Variants in TUB observed in about 807,000 individuals in gnomAD.
The protein encoded by TUB is TUB bipartite transcription factor.
In TUB, 33 loss-of-function variants were observed where a neutral mutation model predicts 59.7. That is an observed-to-expected ratio of 0.55 (90% CI 0.42 to 0.74). TUB has a LOEUF of 0.74. TUB is among the 30% of genes least tolerant of loss of function. The pLI, the probability that TUB is intolerant of heterozygous loss-of-function variation, is 0.00. For synonymous variants in TUB, 293 were observed against 256.4 expected (o/e 1.14, Z -1.36); for missense variants, 659 against 672.0 (o/e 0.98, Z 0.21).
chr11:8,094,924 A>AGGCCTTGCT (rs1943919436), intron 4 of TUB, among the ~76,000 whole-genome samples: 1 of 152,240 alleles, frequency 6.6e-6, no homozygotes, highest in African/African-American at 2.4e-5. Context: ...TGTGTGGGTC[A>AGGCCTTGCT]GGCCTTGCTT....
At chr11:8,026,880 A>T (rs1942506959) in intron 1 of TUB, among the ~76,000 whole-genome samples, 1 of 152,182 alleles carries the variant, frequency 6.6e-6, no homozygotes, top group South Asian at 2.1e-4. Context: ...CGGGCCTTCC[A>T]ATTCATGAAC....
chr11:8,060,912 GCA>G (rs534729740), intron 2 of TUB, among the ~76,000 whole-genome samples: 12 of 152,228 alleles, frequency 7.9e-5, no homozygotes, highest in Non-Finnish European at 1.6e-4. Flanking sequence ...CACCCACACA[GCA>G]CAGTCATGGT....
At position 8,089,710 on chromosome 11, in the gene TUB, T is replaced by C. The variant is rs1396518824; in HGVS notation, c.90+49T>C. ...GAAGGGAAGAGTCTGGGCTGGGATC[T>C]CTGAGGGCAGAGGGGCAGGGCTGTC... On this transcript the variant is annotated intron_variant, in intron 2 of 11. Coordinates refer to ENST00000299506, the MANE Select transcript of TUB (RefSeq NM_177972.3). The C allele has an allele frequency of 3.1e-6, 5 of 1,609,896 alleles. No individual in the cohort carries two copies. In the South Asian group the frequency reaches 4.4e-5, roughly 14 times the overall value.
chr11:8,031,591 G>A (rs1053917778), intron 1 of TUB, among the ~76,000 whole-genome samples: 1 of 152,214 alleles, frequency 6.6e-6, no homozygotes, highest in Non-Finnish European at 1.5e-5. Flanking sequence ...GAGGTGAGGG[G>A]CTGTGGGGCA....
At chr11:8,082,466 G>A (rs117263841) in intron 1 of TUB, among the ~76,000 whole-genome samples, 24 of 152,320 alleles carry the variant, frequency 1.6e-4, no homozygotes, top group Non-Finnish European at 3.1e-4. Flanking sequence ...TCATCGCCAT[G>A]GCAGCGCCAG....
At chr11:8,030,507 C>G (rs867700087) in intron 1 of TUB, among the ~76,000 whole-genome samples, 4 of 152,150 alleles carry the variant, frequency 2.6e-5, no homozygotes, top group Non-Finnish European at 4.4e-5. Flanking sequence ...TCCTCTGCAG[C>G]CTTGGGCAGG....
chr11:8,063,596 A>C (rs2133779608), intron 2 of TUB, among the ~76,000 whole-genome samples: 1 of 152,316 alleles, frequency 6.6e-6, no homozygotes, highest in Middle Eastern at 3.4e-3. Flanking sequence ...TGCTTTAGTC[A>C]ATCCCCAAGT....
At chr11:8,086,734 C>T (rs554437885) in intron 1 of TUB, among the ~76,000 whole-genome samples, 27 of 152,260 alleles carry the variant, frequency 1.8e-4, no homozygotes, top group African/African-American at 4.6e-4. Flanking sequence ...GGCTTCTCCC[C>T]GGTGGCCGCC....
chr11:8,094,076 A>C lies in TUB; in HGVS notation c.284A>C (p.Gln95Pro). 1 of 1,614,182 alleles carries C rather than the reference A, an allele frequency of 6.2e-7. No homozygotes were observed. The highest frequency in any genetic ancestry group is 1.1e-5 in the South Asian group (1 of 91,084). The change falls in exon 4 of 12, where the codon CAG becomes CCG. Residue 95 changes from glutamine to proline, a missense_variant. Coordinates refer to ENST00000299506, the MANE Select transcript of TUB (RefSeq NM_177972.3). Reference sequence around the variant, plus strand: ...GAGGCCGACTCACTCGCCAGTGTGCAGCTGGGAGCCACGCGCCCAACAGCA... The same window carrying C: ...GAGGCCGACTCACTCGCCAGTGTGCCGCTGGGAGCCACGCGCCCAACAGCA... ...VQEADSLASV[Q>P]LGATRPTAPA...
At chr11:8,089,982 C>T in intron 2 of TUB, 87 bp from the exon 3 acceptor site, 2 of 1,463,556 alleles carry the variant, frequency 1.4e-6, no homozygotes, top group Non-Finnish European at 1.8e-6. Flanking sequence ...GGGCCTTGGC[C>T]CAAGGTGGGC....
intron 2 of TUB, among the ~76,000 whole-genome samples, chr11:8,048,058 G>A (rs1421419614): frequency 6.6e-6 from 1 of 151,986 alleles, no homozygotes; most frequent in Non-Finnish European, 1.5e-5. Context: ...TACAGTGCAT[G>A]TACACAGTGA....
rs147970098 is a variant in TUB at position 8,085,085 on chromosome 11, C to T, written c.38+3537C>T. On this transcript the variant is annotated intron_variant, in intron 1 of 11. Coordinates refer to ENST00000299506, the MANE Select transcript of TUB (RefSeq NM_177972.3). ...GAGTAGTGGGACTCCTGACGCCTTC[C>T]GTTCTGCTGCTAGGTTCGGCCTCCG... 2.3e-3 allele frequency among the ~76,000 whole-genome samples: 346 copies of T among 152,266 alleles called. 2 individuals carry two copies. The highest frequency in any genetic ancestry group is 7.9e-3 in the African/African-American group (330 of 41,552).
chr11:8,095,803 G>C (rs1308384055), intron 5 of TUB, 138 bp downstream of exon 5: 2 of 966,878 alleles, frequency 2.1e-6, no homozygotes, highest in Non-Finnish European at 3.0e-6. Flanking sequence ...ACACTTCGGA[G>C]ACAAATGAGA....
chr11:8,027,144 TTTCTGAG>T (rs767847542), intron 1 of TUB, among the ~76,000 whole-genome samples: 1 of 152,242 alleles, frequency 6.6e-6, no homozygotes, highest in Non-Finnish European at 1.5e-5. Context: ...ATTTCAATGA[TTTCTGAG>T]TATACAAGTC....
At chr11:8,073,698 G>C (rs1389816749) in intron 2 of TUB, among the ~76,000 whole-genome samples, 1 of 152,188 alleles carries the variant, frequency 6.6e-6, no homozygotes, top group African/African-American at 2.4e-5. Flanking sequence ...AGGGGCCTGA[G>C]CGCTCAGCCT....
In TUB at chr11:8,075,920, T is replaced by C. The variant is rs1943441663; in HGVS notation, c.204-13690T>C. The C allele has an allele frequency of 2.6e-5, 4 of 152,230 alleles. No individual in the cohort carries two copies. The South Asian group carries it at 8.3e-4, about 32-fold the overall frequency. The allele number at this position is 152,230 out of a possible 1,614,324, so 9.4% of individuals were successfully genotyped here. A position where few individuals can be genotyped will look rare whatever the true frequency, so the allele number is the denominator to read the frequency against. ...CTCTGATGAGTTGCTGTCCCGTTGTTCTCTGGGCCCTTTCTCTCACTGGGC... is the reference window on the plus strand; with the variant it reads ...CTCTGATGAGTTGCTGTCCCGTTGTCCTCTGGGCCCTTTCTCTCACTGGGC... On this transcript the variant is annotated intron_variant, in intron 2 of 12. Coordinates refer to the TUB transcript ENST00000305253.
chr11:8,092,327 A>G (rs978566628), intron 3 of TUB, among the ~76,000 whole-genome samples: 7 of 152,094 alleles, frequency 4.6e-5, no homozygotes, highest in Admixed American at 3.9e-4. Context: ...CCAGCTACGT[A>G]GGAGGATCAC....
In TUB at chr11:8,105,333, T is replaced by G. The variant is rs1268493368; in HGVS notation, c.*3714T>G. On this transcript the variant is annotated 3_prime_UTR_variant, in exon 12 of 12. Coordinates refer to ENST00000299506, the MANE Select transcript of TUB (RefSeq NM_177972.3). ...AATGACCTGCAGTCAGGGCCCAGAG[T>G]TGGGACTCTATACTACCCTGGGCTC... The G allele has an allele frequency of 6.6e-6, 1 of 152,146 alleles. No homozygotes were observed. The highest frequency in any genetic ancestry group is 2.4e-5 in the African/African-American group (1 of 41,414). The allele number at this position is 152,146 out of a possible 1,614,324, so 9.4% of individuals were successfully genotyped here. A position where few individuals can be genotyped will look rare whatever the true frequency, so the allele number is the denominator to read the frequency against.
In TUB at chr11:8,058,560, G is replaced by A. The variant is rs116435622; in HGVS notation, c.203+18868G>A. On this transcript the variant is annotated intron_variant, in intron 2 of 12. Coordinates refer to the TUB transcript ENST00000305253. ...CTACTAATGCAGATTACATTTTAAA[G>A]GGTGTCATGTTTATAGTTGCTCCAT... Among the ~76,000 whole-genome samples the A allele has an allele frequency of 4.8e-3, 727 of 152,316 alleles. 4 individuals carry two copies. Among genetic ancestry groups the A allele is most frequent in the African/African-American group, 0.016 (675 of 41,568 alleles).
Sources: allele counts gnomAD v4.1 joint callset (sites outside exome capture counted in the v4.1 genomes callset), GRCh38; gene constraint gnomAD v4.1.1; transcripts MANE v1.5; gene names NCBI Gene and HGNC (gene_info 2026-07-23, HGNC 2026-07-21).